The following GPR39 variants were observed in gnomAD, a reference collection of about 807,000 sequenced individuals.
The protein encoded by GPR39 is G protein-coupled receptor 39.
GPR39 carries 23 observed loss-of-function variants against 18.4 expected under a neutral mutation model. That is an observed-to-expected ratio of 1.25 (90% CI 0.90 to 1.77). GPR39 has a LOEUF of 1.77. Among genes scored for constraint, GPR39 ranks in the 40% most tolerant of loss-of-function variants. The pLI is 0.00. For missense variants in GPR39, 647 were observed against 602.4 expected (o/e 1.07, Z -0.78); for synonymous variants, 280 against 257.9 (o/e 1.09, Z -0.82).
intron 1 of GPR39, among the ~76,000 whole-genome samples, chr2:132,490,201 G>A (rs1681430082): frequency 6.6e-6 from 1 of 151,928 alleles, no homozygotes; most frequent in African/African-American, 2.4e-5. Context: ...TGGAGGGGCA[G>A]GATGCAGCCT....
At chr2:132,532,253 G>T (rs1411684772) in intron 1 of GPR39, among the ~76,000 whole-genome samples, 1 of 152,150 alleles carries the variant, frequency 6.6e-6, no homozygotes, top group Non-Finnish European at 1.5e-5. Context: ...AGAAGAAATG[G>T]ATAATTTCTC....
Position 132,645,522 on chromosome 2 carries a change from G to A in GPR39, c.1278G>A (p.Leu426=). 1.2e-6 allele frequency: 2 copies of A among 1,614,166 alleles called. No homozygotes were observed. Among genetic ancestry groups the A allele is most frequent in the East Asian group, 2.2e-5 (1 of 44,860 alleles). ...AGCCCCAGTCTAAGTCCCAGTCATT[G>A]AGTCTCGAGTCACTAGAGCCCAACT... ...EAEPQSKSQS[L]SLESLEPNSG... The change falls in exon 2 of 2, where the codon TTG becomes TTA. Residue 426 remains leucine (L), a synonymous_variant. Transcript: ENST00000329321.
At chr2:132,594,380 C>T (rs1029458829) in intron 1 of GPR39, among the ~76,000 whole-genome samples, 6 of 151,952 alleles carry the variant, frequency 3.9e-5, no homozygotes, top group African/African-American at 1.2e-4. Context: ...TGTGCCTGTG[C>T]ATGTCTTGCC....
chr2:132,558,131 A>G (rs998065746), intron 1 of GPR39, among the ~76,000 whole-genome samples: 4 of 152,070 alleles, frequency 2.6e-5, no homozygotes, highest in African/African-American at 9.7e-5. Context: ...ACAAAAGCCC[A>G]GCATTTGAGG....
rs192867872 is a variant in GPR39, at chr2:132,483,255, C to G, written c.856+65357C>G. Among the ~76,000 whole-genome samples, 19 of 152,316 alleles carry G rather than the reference C, an allele frequency of 1.2e-4. No homozygotes were observed. The East Asian group carries it at 3.7e-3, about 29-fold the overall frequency. The stretch of plus-strand genomic sequence containing the variant: ...GTTGTCATTGTTATGACAGAGCGAT[C>G]AGCACTGAATGTTTAGGGCAAGTAA... On this transcript the variant is annotated intron_variant, in intron 1 of 1. Coordinates refer to ENST00000329321, the MANE Select transcript of GPR39 (RefSeq NM_001508.3).
intron 1 of GPR39, among the ~76,000 whole-genome samples, chr2:132,568,381 A>G (rs755398186): frequency 6.6e-6 from 1 of 152,000 alleles, no homozygotes; most frequent in Admixed American, 6.6e-5. Context: ...ATAGATTTCT[A>G]TGATGAGGTT....
chr2:132,474,745 C>T (rs1681095370), intron 1 of GPR39, among the ~76,000 whole-genome samples: 1 of 152,180 alleles, frequency 6.6e-6, no homozygotes, highest in Non-Finnish European at 1.5e-5. Context: ...TGCTTCCTGG[C>T]CTTTGCCATT....
At chr2:132,514,519 G>A (rs759336269) in intron 1 of GPR39, among the ~76,000 whole-genome samples, 1 of 152,074 alleles carries the variant, frequency 6.6e-6, no homozygotes, top group Non-Finnish European at 1.5e-5. Flanking sequence ...CAGATCATTG[G>A]TACCTGCCTG....
intron 1 of GPR39, among the ~76,000 whole-genome samples, chr2:132,554,711 G>C (rs1183311212): frequency 1.3e-5 from 2 of 152,150 alleles, no homozygotes; most frequent in African/African-American, 4.8e-5. Flanking sequence ...AGGGCTTAAA[G>C]GGGGAGGGAA....
intron 1 of GPR39, among the ~76,000 whole-genome samples, chr2:132,603,720 G>C (rs1324610016): frequency 6.6e-6 from 1 of 152,146 alleles, no homozygotes; most frequent in Non-Finnish European, 1.5e-5. Flanking sequence ...GTGCGTGTGC[G>C]AAATGGGTTA....
chr2:132,628,775 G>A (rs1681597919), intron 1 of GPR39, among the ~76,000 whole-genome samples: 1 of 152,160 alleles, frequency 6.6e-6, no homozygotes, highest in Admixed American at 6.5e-5. Flanking sequence ...GTGTGTGTGT[G>A]TGTGTTTGTG....
chr2:132,558,756 C>G (rs1212430740), intron 1 of GPR39, among the ~76,000 whole-genome samples: 1 of 152,198 alleles, frequency 6.6e-6, no homozygotes. Context: ...CATTAGTGAC[C>G]AGCCATGAAT....
At position 132,489,510 on chromosome 2, in the gene GPR39, C is replaced by G. The variant is rs1003380003; in HGVS notation, c.856+71612C>G. ...ACTGTGTGACTATATTCTTAATTTT[C>G]CCGGAGGACTTTTTGATGAGCCTTT... On this transcript the variant is annotated intron_variant, in intron 1 of 1. Transcript: ENST00000329321. Among the ~76,000 whole-genome samples, 8 of 151,998 alleles carry G rather than the reference C, an allele frequency of 5.3e-5. 1 individual carries two copies. Among genetic ancestry groups the G allele is most frequent in the African/African-American group, 1.9e-4 (8 of 41,296 alleles).
chr2:132,552,525 T>C (rs1271487751), intron 1 of GPR39, among the ~76,000 whole-genome samples: 1 of 152,094 alleles, frequency 6.6e-6, no homozygotes, highest in Non-Finnish European at 1.5e-5. Context: ...ATTAAACCTG[T>C]TTTCTTTATA....
intron 1 of GPR39, among the ~76,000 whole-genome samples, chr2:132,541,190 T>C (rs1679855193): frequency 6.6e-6 from 1 of 152,144 alleles, no homozygotes; most frequent in Non-Finnish European, 1.5e-5. Context: ...TTCAAGTGAT[T>C]CTCTCAACTC....
chr2:132,601,168 C>T (rs928556829), intron 1 of GPR39, among the ~76,000 whole-genome samples: 1 of 151,990 alleles, frequency 6.6e-6, no homozygotes, highest in Admixed American at 6.6e-5. Context: ...AGTACACACA[C>T]CTCTAGGTGA....
At chr2:132,590,818 C>CGCGT (rs1553458735) in intron 1 of GPR39, among the ~76,000 whole-genome samples, 1 of 143,900 alleles carries the variant, frequency 6.9e-6, no homozygotes, top group East Asian at 2.1e-4. Context: ...AAGTATTGTT[C>CGCGT]GTGTGTGTGT....
chr2:132,547,928 T>A (rs1415663529), intron 1 of GPR39, among the ~76,000 whole-genome samples: 1 of 152,226 alleles, frequency 6.6e-6, no homozygotes, highest in East Asian at 1.9e-4. Flanking sequence ...TGTAAATGAC[T>A]TTTATGATAG....
At chr2:132,515,655 C>T (rs781628178) in intron 1 of GPR39, among the ~76,000 whole-genome samples, 20 of 152,120 alleles carry the variant, frequency 1.3e-4, no homozygotes, top group Non-Finnish European at 2.4e-4. Flanking sequence ...GACTAGAATT[C>T]CCCTCACCCT....
Sources: gnomAD v4.1 joint callset for allele counts (sites outside exome capture counted in the v4.1 genomes callset) on GRCh38, gnomAD v4.1.1 for gene constraint, MANE v1.5 for transcripts, NCBI Gene and HGNC (gene_info 2026-07-23, HGNC 2026-07-21) for gene names.